ADCY9: variants seen among roughly 807,000 people sequenced by gnomAD.
The protein encoded by ADCY9 is adenylate cyclase 9.
Under a neutral mutation model 101.5 loss-of-function variants are expected in ADCY9, and 50 were observed. The ratio of observed to expected loss-of-function variants is 0.49; its 90% confidence interval spans 0.39 to 0.62. ADCY9 has a LOEUF of 0.62. Ranked by LOEUF, ADCY9 falls within the 20% of genes least tolerant of loss-of-function variation. The probability of loss-of-function intolerance (pLI) is 0.00; values close to 1 mark genes in which losing one functional copy is unlikely to be tolerated. For missense variants in ADCY9, 1,662 were observed against 1,800.4 expected (o/e 0.92, Z 1.39); for synonymous variants, 905 against 769.3 (o/e 1.18, Z -2.92).
In ADCY9 at chr16:3,992,015, GA is replaced by G; in HGVS notation, c.2207+130del. ...GAACCTGGGAGATAGAGGCTGCAGTGAGCCAAGATCGCGCCACTGCACTGCA... is the reference window on the plus strand; with the variant it reads ...GAACCTGGGAGATAGAGGCTGCAGTGGCCAAGATCGCGCCACTGCACTGCA... On this transcript the variant is annotated intron_variant, in intron 5 of 10. Transcript: ENST00000294016. The surrounding 1 kb of genome is among the most constrained non-coding windows in gnomAD (Gnocchi z 4.2). The G allele has an allele frequency of 1.2e-6, 1 of 845,132 alleles. No homozygotes were observed. The highest frequency in any genetic ancestry group is 1.8e-6 in the Non-Finnish European group (1 of 553,332). 52.4% of individuals were successfully genotyped at this position (845,132 alleles called of 1,614,324 possible).
intron 10 of ADCY9, among the ~76,000 whole-genome samples, chr16:3,969,374 G>T (rs1296841720): frequency 2.0e-5 from 3 of 149,964 alleles, no homozygotes; most frequent in African/African-American, 7.3e-5. Flanking sequence ...AGCCTCCTGA[G>T]TAGTGTGCGC....
chr16:4,089,199 C>T (rs992031167), intron 2 of ADCY9, among the ~76,000 whole-genome samples: 2 of 151,982 alleles, frequency 1.3e-5, no homozygotes, highest in East Asian at 1.9e-4. Flanking sequence ...CTCAGCCTCC[C>T]GAGGGGCTGG....
intron 3 of ADCY9, among the ~76,000 whole-genome samples, chr16:3,993,727 G>A (rs1195548634): frequency 1.3e-5 from 2 of 152,198 alleles, no homozygotes; most frequent in African/African-American, 2.4e-5. Flanking sequence ...ACCCAAAAAT[G>A]GAACCGGGAA....
chr16:3,966,570 G>C lies in ADCY9; in HGVS notation c.3267C>G (p.Ile1089Met). 6.2e-7 allele frequency: 1 copy of C among 1,614,150 alleles called. No individual in the cohort carries two copies. Among genetic ancestry groups the C allele is most frequent in the South Asian group, 1.1e-5 (1 of 91,078 alleles). ...TGCTTAGGAGCTCGTCAAAGTCCCC[G>C]ATGAGCTCGTTGAGGACCCGGTAGC... The part of the protein sequence containing the change: ...KECYRVLNEL[I>M]GDFDELLSKP... Residue 1089 changes from isoleucine to methionine, a missense_variant, in exon 11 of 11, where the codon ATC (isoleucine) becomes ATG (methionine). Transcript: ENST00000294016.
chr16:4,068,898 C>T (rs1405725640), intron 2 of ADCY9, among the ~76,000 whole-genome samples: 1 of 151,696 alleles, frequency 6.6e-6, no homozygotes, highest in Non-Finnish European at 1.5e-5. Context: ...CAAATGGTTA[C>T]AACTATTCCA....
In ADCY9 at chr16:4,097,553, A is replaced by ATATTTTTTTTT. The variant is rs1382458827; in HGVS notation, c.1693+16196_1693+16197insAAAAAAAAATA. Among the ~76,000 whole-genome samples, 40 of 53,398 alleles carry ATATTTTTTTTT rather than the reference A, an allele frequency of 7.5e-4. 1 individual carries two copies. The highest frequency in any genetic ancestry group is 8.6e-4 in the African/African-American group (10 of 11,584). The allele number at this position is 53,398 out of a possible 152,430, so 35.0% of individuals were successfully genotyped here. Reference sequence around the variant, plus strand: ...CATATATATATATATATATATATATATTTTTTTTTTTTTTTTTTAAGACAG... The same window carrying ATATTTTTTTTT: ...CATATATATATATATATATATATATATATTTTTTTTTTTTTTTTTTTTTTTTTTTAAGACAG... On this transcript the variant is annotated intron_variant, in intron 2 of 10. Transcript: ENST00000294016.
chr16:4,054,651 A>G (rs936027881), intron 2 of ADCY9, among the ~76,000 whole-genome samples: 2 of 151,860 alleles, frequency 1.3e-5, no homozygotes, highest in Non-Finnish European at 2.9e-5. Context: ...GCTCACTGCA[A>G]GCTACGCCTC....
intron 2 of ADCY9, among the ~76,000 whole-genome samples, chr16:4,084,595 G>A (rs897527048): frequency 6.6e-6 from 1 of 152,034 alleles, no homozygotes; most frequent in Non-Finnish European, 1.5e-5. Context: ...ATTAGGTGGT[G>A]CACACCTCTA....
At chr16:4,041,753 T>TG (rs2056628152) in intron 2 of ADCY9, among the ~76,000 whole-genome samples, 1 of 148,906 alleles carries the variant, frequency 6.7e-6, no homozygotes, top group Admixed American at 6.6e-5. Flanking sequence ...CTGATTTTTT[T>TG]TGTTTTTTTT....
At chr16:4,015,974 AT>A (rs1470442783) in intron 2 of ADCY9, among the ~76,000 whole-genome samples, 96 of 149,940 alleles carry the variant, frequency 6.4e-4, no homozygotes, top group Middle Eastern at 3.5e-3. Flanking sequence ...TCTCAAAAAA[AT>A]AAAAGAAAAA....
chr16:4,003,227 C>G (rs1175797832), intron 3 of ADCY9, among the ~76,000 whole-genome samples: 1 of 152,178 alleles, frequency 6.6e-6, no homozygotes, highest in African/African-American at 2.4e-5. Flanking sequence ...CACAGCAATG[C>G]TCAGCCGCAA....
intron 7 of ADCY9, among the ~76,000 whole-genome samples, chr16:3,981,421 C>T (rs930443711): frequency 4.6e-5 from 7 of 152,182 alleles, no homozygotes; most frequent in Non-Finnish European, 7.3e-5. Context: ...CCAGGGAAGG[C>T]AGACCTGGGG....
Position 4,103,154 on chromosome 16 carries a change from T to C in ADCY9, c.1693+10596A>G, listed in dbSNP as rs373583435. On this transcript the variant is annotated intron_variant, in intron 2 of 10. Coordinates refer to ENST00000294016, the MANE Select transcript of ADCY9 (RefSeq NM_001116.4). ...TCACTTGCTATTTCCACAGGCAATATGTAATGGGTGTGACAACTCCAATTG... is the reference window on the plus strand; with the variant it reads ...TCACTTGCTATTTCCACAGGCAATACGTAATGGGTGTGACAACTCCAATTG... Among the ~76,000 whole-genome samples the C allele has an allele frequency of 2.6e-5, 4 of 152,212 alleles. No homozygotes were observed. The South Asian group carries it at 8.3e-4, about 32-fold the overall frequency.
intron 10 of ADCY9, among the ~76,000 whole-genome samples, chr16:3,971,853 T>C (rs1235416929): frequency 6.6e-6 from 1 of 152,158 alleles, no homozygotes; most frequent in African/African-American, 2.4e-5. Context: ...CAATCAGTTA[T>C]CGCTTGTACA....
chr16:4,107,550 CAAAAA>C (rs61565312), intron 2 of ADCY9, among the ~76,000 whole-genome samples: 1 of 72,820 alleles, frequency 1.4e-5, no homozygotes, highest in African/African-American at 6.8e-5. Context: ...GACTCTGTCT[CAAAAA>C]AAAAAAAAAA....
intron 2 of ADCY9, among the ~76,000 whole-genome samples, chr16:4,113,172 TAA>T (rs111589177): frequency 1.4e-5 from 2 of 147,020 alleles, no homozygotes; most frequent in African/African-American, 2.5e-5. Context: ...AAACTTTTTT[TAA>T]AAAAAAAAAA....
chr16:4,057,035 ACCGC>A (rs796637208), intron 2 of ADCY9, among the ~76,000 whole-genome samples: 8,728 of 77,770 alleles, frequency 0.11, 577 homozygotes, highest in African/African-American at 0.14. Flanking sequence ...TACTGATGAA[ACCGC>A]CCCCCCCCCC....
exon 6 of ADCY9, chr16:3,953,411 C>A (rs1385209479): frequency 1.3e-5 from 2 of 152,160 alleles, no homozygotes; most frequent in African/African-American, 4.8e-5. Flanking sequence ...AGAGCATAAG[C>A]AGTTTTTAAT....
rs1159680210 is a variant in ADCY9, at chr16:4,114,818, C to T, written c.625G>A (p.Ala209Thr). 1 of 1,613,290 alleles carries T rather than the reference C, an allele frequency of 6.2e-7. No homozygotes were observed. Among genetic ancestry groups the T allele is most frequent in the Non-Finnish European group, 8.5e-7 (1 of 1,180,048 alleles). ...SGRGDSSNLT[A>T]TARPTDTCLS... is the part of the protein sequence containing the mutation. ...CAAGTATCTGTGGGCCGGGCTGTGG[C>T]CGTAAGGTTGGAGCTGTCGCCGCGT... Residue 209 changes from alanine (A) to threonine (T), a missense_variant, in exon 2 of 11, where the codon GCC (alanine) becomes ACC (threonine). Ala to Thr is a moderately conservative substitution (Grantham distance 58). Coordinates refer to ENST00000294016, the MANE Select transcript of ADCY9 (RefSeq NM_001116.4). This position sits in a 1 kb window ranked among gnomAD's most constrained non-coding sequence, Gnocchi z 4.3.
Sources: gnomAD v4.1 joint callset for allele counts (sites outside exome capture counted in the v4.1 genomes callset) on GRCh38, gnomAD v4.1.1 for gene constraint, Gnocchi (gnomAD v3.1) non-coding constraint, MANE v1.5 for transcripts, NCBI Gene and HGNC (gene_info 2026-07-23, HGNC 2026-07-21) for gene names.